Variants in LARP4B observed in about 807,000 individuals in gnomAD.
LARP4B encodes la-related protein 4B.
In LARP4B, 12 loss-of-function variants were observed where a neutral mutation model predicts 89.8. That is an observed-to-expected ratio of 0.13 (90% confidence interval 0.09 to 0.22). The LOEUF (loss-of-function observed/expected upper bound fraction) is 0.22, where lower values mean the gene tolerates loss of function less well. LARP4B is among the 10% of genes least tolerant of loss of function. LARP4B has a pLI of 1.00. For synonymous variants in LARP4B, 367 were observed against 363.3 expected (o/e 1.01, Z -0.12); for missense variants, 757 against 947.7 (o/e 0.80, Z 2.64).
chr10:904,466 C>T (rs1204720050), intron 1 of LARP4B, among the ~76,000 whole-genome samples: 1 of 150,230 alleles, frequency 6.7e-6, no homozygotes, highest in Non-Finnish European at 1.5e-5. Context: ...AATTAAGAGG[C>T]TCACTTGAGC....
the LARP4B span, among the ~76,000 whole-genome samples, chr10:968,399 C>A: frequency 6.6e-6 from 1 of 152,164 alleles, no homozygotes. Flanking sequence ...CTTAGCAACC[C>A]TTTATTAGCA....
At chr10:935,424 C>T (rs1830736802), upstream of LARP4B, among the ~76,000 whole-genome samples, 1 of 152,168 alleles carries the variant, frequency 6.6e-6, no homozygotes, top group African/African-American at 2.4e-5. Context: ...GCTTATTTTT[C>T]AAGTTACAGC....
intron 7 of LARP4B, among the ~76,000 whole-genome samples, chr10:840,266 G>T (rs1833458572): frequency 1.3e-5 from 2 of 152,080 alleles, no homozygotes; most frequent in Non-Finnish European, 1.5e-5. Flanking sequence ...TACAGGCAGG[G>T]GTGACACCCT....
chr10:947,018 T>C, the LARP4B span, among the ~76,000 whole-genome samples: 1 of 152,214 alleles, frequency 6.6e-6, no homozygotes, highest in South Asian at 2.1e-4. Flanking sequence ...TACAGGTGCA[T>C]GCCACCACAT....
the LARP4B span, among the ~76,000 whole-genome samples, chr10:944,476 G>C: frequency 6.6e-6 from 1 of 152,186 alleles, no homozygotes; most frequent in Non-Finnish European, 1.5e-5. Flanking sequence ...TCACCCCCAA[G>C]TCTCTGCTTC....
chr10:860,154 C>A (rs1834525473), intron 5 of LARP4B, among the ~76,000 whole-genome samples: 1 of 151,450 alleles, frequency 6.6e-6, no homozygotes, highest in African/African-American at 2.4e-5. Context: ...TATGGGAGAT[C>A]TCTATACCTT....
chr10:943,116 T>C, the LARP4B span, among the ~76,000 whole-genome samples: 177 of 152,050 alleles, frequency 1.2e-3, no homozygotes, highest in African/African-American at 4.2e-3. Context: ...CTGGCTGATT[T>C]TTGTAATTTT....
At position 810,630 on chromosome 10, in the gene LARP4B, T is replaced by A. The variant is rs531971224; in HGVS notation, c.*2296A>T. ...CTTCTCATTATTAAAAACCAAGGAC[T>A]CACTGGCGGACGGGCAGGCCTTGTG... On this transcript the variant is annotated 3_prime_UTR_variant, in exon 18 of 18. Transcript: ENST00000316157. 3 of 152,360 alleles carry A rather than the reference T, an allele frequency of 2.0e-5. No homozygotes were observed. In the South Asian group the frequency reaches 6.2e-4, roughly 32 times the overall value. The allele number at this position is 152,360 out of a possible 1,614,324, so 9.4% of individuals were successfully genotyped here. A position where few individuals can be genotyped will look rare whatever the true frequency, so the allele number is the denominator to read the frequency against.
chr10:928,116 G>C lies in LARP4B; in HGVS notation c.-40+3312C>G, dbSNP rs376735395. The stretch of plus-strand genomic sequence containing the variant: ...GGGCACCTGTAATCCCAGCTACTCG[G>C]GAGGCTGAGGCAGGAGAATCACCTG... On this transcript the variant is annotated intron_variant, in intron 1 of 17. Coordinates refer to ENST00000316157, the MANE Select transcript of LARP4B (RefSeq NM_015155.3). 3.3e-5 allele frequency among the ~76,000 whole-genome samples: 5 copies of C among 152,144 alleles called. No individual in the cohort carries two copies. The South Asian group carries it at 6.2e-4, about 19-fold the overall frequency.
the LARP4B span, among the ~76,000 whole-genome samples, chr10:963,951 G>A: frequency 6.6e-6 from 1 of 152,172 alleles, no homozygotes; most frequent in African/African-American, 2.4e-5. Flanking sequence ...ATTTTTGGGG[G>A]ACACATTCAA....
chr10:843,191 C>T, intron 6 of LARP4B, 123 bp from the exon 7 acceptor site: 1 of 853,000 alleles, frequency 1.2e-6, no homozygotes, highest in Non-Finnish European at 1.8e-6. Flanking sequence ...TAAATCTCAG[C>T]CCAGGACCCA....
At position 811,902 on chromosome 10, in the gene LARP4B, G is replaced by A. The variant is rs893841445; in HGVS notation, c.*1024C>T. On this transcript the variant is annotated 3_prime_UTR_variant, in exon 18 of 18. Coordinates refer to ENST00000316157, the MANE Select transcript of LARP4B (RefSeq NM_015155.3). ...CTGGAAGTGAATCAATGAGGCCCTC[G>A]TCTTGGAGGTAAAAGAGCAGGAACT... 1 of 152,260 alleles carries A rather than the reference G, an allele frequency of 6.6e-6. No homozygotes were observed. Among genetic ancestry groups the A allele is most frequent in the Non-Finnish European group, 1.5e-5 (1 of 68,020 alleles). The allele number at this position is 152,260 out of a possible 1,614,324, so 9.4% of individuals were successfully genotyped here. A position where few individuals can be genotyped will look rare whatever the true frequency, so the allele number is the denominator to read the frequency against.
chr10:959,357 C>T, the LARP4B span, among the ~76,000 whole-genome samples: 787 of 132,368 alleles, frequency 5.9e-3, 6 homozygotes, highest in African/African-American at 0.02. Context: ...TCCCACCTCC[C>T]CGTCAATCCC....
chr10:883,158 T>TATATATATGTCTATATC (rs1835737798), intron 3 of LARP4B, among the ~76,000 whole-genome samples: 1 of 152,192 alleles, frequency 6.6e-6, no homozygotes, highest in African/African-American at 2.4e-5. Flanking sequence ...GATATCTACT[T>TATATATATGTCTATATC]TATGTCTTAT....
chr10:843,286 A>ATAC (rs1833615431), intron 6 of LARP4B, among the ~76,000 whole-genome samples: 1 of 152,248 alleles, frequency 6.6e-6, no homozygotes, highest in African/African-American at 2.4e-5. Context: ...AAGTAAAAGT[A>ATAC]TACTGTACTT....
At chr10:857,790 C>T (rs557043303) in intron 5 of LARP4B, among the ~76,000 whole-genome samples, 106 of 152,312 alleles carry the variant, frequency 7.0e-4, no homozygotes, top group Non-Finnish European at 1.3e-3. Flanking sequence ...GGAATTGCTT[C>T]TTCTATGTCC....
At chr10:977,206 T>A in the LARP4B span, among the ~76,000 whole-genome samples, 1 of 152,176 alleles carries the variant, frequency 6.6e-6, no homozygotes, top group Non-Finnish European at 1.5e-5. Flanking sequence ...CAGGCTGGAA[T>A]GCAGTGGTGT....
chr10:898,269 T>C (rs1256806761), intron 1 of LARP4B, among the ~76,000 whole-genome samples: 1 of 152,164 alleles, frequency 6.6e-6, no homozygotes, highest in Non-Finnish European at 1.5e-5. Context: ...GAAACTACAA[T>C]CTTCACACAC....
chr10:972,777 G>A, the LARP4B span: 2 of 456,816 alleles, frequency 4.4e-6, no homozygotes, highest in Non-Finnish European at 8.8e-6. Flanking sequence ...AGAAAATAAA[G>A]AAGATGCAGC....
Sources: gnomAD v4.1 joint callset for allele counts (sites outside exome capture counted in the v4.1 genomes callset) on GRCh38, gnomAD v4.1.1 for gene constraint, MANE v1.5 for transcripts, NCBI Gene and HGNC (gene_info 2026-07-23, HGNC 2026-07-21) for gene names.